Variants in IL1RAPL2 observed in about 807,000 individuals in gnomAD.
The protein encoded by IL1RAPL2 is interleukin 1 receptor accessory protein like 2.
IL1RAPL2 carries 3 observed loss-of-function variants against 44.1 expected under a neutral mutation model. The observed-to-expected ratio is 0.07, with a 90% CI of 0.03 to 0.18. The LOEUF is 0.18. Ranked by LOEUF, IL1RAPL2 falls within the 10% of genes least tolerant of loss-of-function variation. The pLI is 1.00. For missense variants in IL1RAPL2, 391 were observed against 496.4 expected (o/e 0.79, Z 2.02); for synonymous variants, 181 against 178.8 (o/e 1.01, Z -0.10).
At chrX:105,220,711 C>A (rs1265751189) in intron 3 of IL1RAPL2, 1 of 230,485 alleles carries the variant, frequency 4.3e-6, no homozygotes, top group Non-Finnish European at 7.9e-6. Context: ...TCAGGGCCAA[C>A]GTCGGCTTTT....
chrX:104,685,750 C>T (rs5916818), intron 2 of IL1RAPL2, among the ~76,000 whole-genome samples: 39,232 of 108,271 alleles, frequency 0.36, 5,707 homozygotes, highest in Non-Finnish European at 0.45. Flanking sequence ...GCACATGTAC[C>T]CTAGAACTTC....
chrX:105,216,571 T>A (rs1478565307), intron 3 of IL1RAPL2, among the ~76,000 whole-genome samples: 7 of 110,134 alleles, frequency 6.4e-5, no homozygotes, highest in Admixed American at 2.9e-4. Flanking sequence ...TACCAGTTAC[T>A]TTCTTCACTG....
chrX:105,365,803 G>A (rs1469759136), intron 5 of IL1RAPL2, among the ~76,000 whole-genome samples: 2 of 110,968 alleles, frequency 1.8e-5, no homozygotes, highest in African/African-American at 3.3e-5. Flanking sequence ...TTTTGAGACA[G>A]TATTGCTCTG....
chrX:104,861,705 G>A (rs1184201372), intron 2 of IL1RAPL2, among the ~76,000 whole-genome samples: 1 of 111,348 alleles, frequency 9.0e-6, no homozygotes, highest in Non-Finnish European at 1.9e-5. Context: ...AAATTGCATA[G>A]TATTTGCATA....
intron 2 of IL1RAPL2, among the ~76,000 whole-genome samples, chrX:105,081,355 G>C: frequency 9.0e-6 from 1 of 111,246 alleles, no homozygotes; most frequent in African/African-American, 3.3e-5. Flanking sequence ...AGGGATATTT[G>C]AGGGCTTTGG....
chrX:105,217,019 A>T (rs1556166977), intron 3 of IL1RAPL2, among the ~76,000 whole-genome samples: 2 of 108,120 alleles, frequency 1.8e-5, no homozygotes. Context: ...AACCTAGGCA[A>T]TACCATTCAG....
intron 6 of IL1RAPL2, among the ~76,000 whole-genome samples, chrX:105,511,864 TTG>T (rs1337325223): frequency 9.0e-6 from 1 of 111,465 alleles, no homozygotes; most frequent in Non-Finnish European, 1.9e-5. Context: ...AGAAAATATT[TTG>T]TGTTTTTTAA....
chrX:105,591,260 A>G (rs781060694), intron 6 of IL1RAPL2, among the ~76,000 whole-genome samples: 4 of 107,455 alleles, frequency 3.7e-5, no homozygotes, highest in African/African-American at 1.0e-4. Flanking sequence ...GTTGGTGGTA[A>G]TGTTTCCTTT....
intron 5 of IL1RAPL2, among the ~76,000 whole-genome samples, chrX:105,353,495 A>G (rs983866103): frequency 1.8e-5 from 2 of 111,638 alleles, no homozygotes; most frequent in East Asian, 2.8e-4. Context: ...TGATGGGGAT[A>G]GCATTGAATC....
intron 2 of IL1RAPL2, among the ~76,000 whole-genome samples, chrX:104,680,980 C>G (rs1264343878): frequency 8.9e-6 from 1 of 112,249 alleles, no homozygotes; most frequent in Non-Finnish European, 1.9e-5. Context: ...TTTATTAACA[C>G]TGGGACAGTT....
chrX:105,195,401 G>A (rs1169123409), intron 2 of IL1RAPL2, 74 bp from the exon 3 acceptor site: 8 of 988,152 alleles, frequency 8.1e-6, no homozygotes, highest in South Asian at 2.1e-5. Context: ...GGACATGTTG[G>A]TGATGATTAC....
chrX:105,341,616 A>G (rs1032832839), intron 5 of IL1RAPL2, among the ~76,000 whole-genome samples: 1 of 112,015 alleles, frequency 8.9e-6, no homozygotes, highest in African/African-American at 3.2e-5. Context: ...CCTTATGAGA[A>G]CTGCTAGCCA....
intron 2 of IL1RAPL2, among the ~76,000 whole-genome samples, chrX:104,909,722 A>G (rs984478227): frequency 1.6e-4 from 18 of 112,087 alleles, no homozygotes; most frequent in Admixed American, 6.6e-4. Context: ...CCAGCTGCTT[A>G]CTGGGAGAAC....
intron 2 of IL1RAPL2, among the ~76,000 whole-genome samples, chrX:104,930,790 A>T (rs1307604835): frequency 2.7e-5 from 3 of 111,892 alleles, no homozygotes; most frequent in African/African-American, 9.7e-5. Context: ...TCATTAACTT[A>T]TTAAATCATT....
intron 1 of IL1RAPL2, among the ~76,000 whole-genome samples, chrX:104,598,605 T>C (rs1437568451): frequency 8.9e-6 from 1 of 112,516 alleles, no homozygotes; most frequent in Non-Finnish European, 1.9e-5. Context: ...TGTTAGGTTC[T>C]GGTTGGATCA....
intron 2 of IL1RAPL2, among the ~76,000 whole-genome samples, chrX:104,965,297 G>T (rs1253969250): frequency 2.7e-5 from 3 of 111,892 alleles, no homozygotes; most frequent in Non-Finnish European, 3.8e-5. Flanking sequence ...ATATTAGTTT[G>T]TCTTGGCCTG....
intron 5 of IL1RAPL2, among the ~76,000 whole-genome samples, chrX:105,459,253 CAT>C (rs1491563424): frequency 1.8e-5 from 2 of 110,305 alleles, no homozygotes; most frequent in African/African-American, 6.6e-5. Context: ...TGTTTGTGTG[CAT>C]GTGTGTGTGT....
intron 2 of IL1RAPL2, among the ~76,000 whole-genome samples, chrX:104,760,660 A>G (rs1183186627): frequency 9.3e-6 from 1 of 107,756 alleles, no homozygotes; most frequent in Non-Finnish European, 1.9e-5. Context: ...CATAGTTTGA[A>G]CTCCTTCTAT....
intron 2 of IL1RAPL2, among the ~76,000 whole-genome samples, chrX:104,680,978 C>T: frequency 8.9e-6 from 1 of 112,254 alleles, no homozygotes; most frequent in Non-Finnish European, 1.9e-5. Flanking sequence ...TTTTTATTAA[C>T]ACTGGGACAG....
Sources: gnomAD v4.1 joint callset for allele counts (sites outside exome capture counted in the v4.1 genomes callset) on GRCh38, gnomAD v4.1.1 for gene constraint, MANE v1.5 for transcripts, NCBI Gene and HGNC (gene_info 2026-07-23, HGNC 2026-07-21) for gene names.